The following TAPT1 variants were observed in gnomAD, a reference collection of about 807,000 sequenced individuals.
The protein encoded by TAPT1 is transmembrane anterior posterior transformation protein 1 homolog.
TAPT1 carries 28 observed loss-of-function variants against 65.6 expected under a neutral mutation model. The observed-to-expected ratio is 0.43, with a 90% CI of 0.32 to 0.59. The LOEUF (loss-of-function observed/expected upper bound fraction) is 0.59. TAPT1 is among the 20% of genes least tolerant of loss of function. The pLI is 0.09. For synonymous variants in TAPT1, 278 were observed against 245.2 expected (o/e 1.13, Z -1.25); for missense variants, 563 against 679.9 (o/e 0.83, Z 1.91).
At chr4:16,175,102 C>T (rs1748241555) in intron 9 of TAPT1, 1 of 153,426 alleles carries the variant, frequency 6.5e-6, no homozygotes, top group Admixed American at 6.5e-5. Context: ...GTTTGTCTAA[C>T]CATAATAATG....
At chr4:16,198,733 T>C (rs1247855426) in intron 3 of TAPT1, among the ~76,000 whole-genome samples, 1 of 152,174 alleles carries the variant, frequency 6.6e-6, no homozygotes, top group Non-Finnish European at 1.5e-5. Context: ...TAATCTTTAA[T>C]GGAAGTAGAA....
At chr4:16,171,235 G>A (rs1747970829) in intron 11 of TAPT1, among the ~76,000 whole-genome samples, 1 of 151,874 alleles carries the variant, frequency 6.6e-6, no homozygotes, top group Non-Finnish European at 1.5e-5. Context: ...AGGGAACACA[G>A]GAAAAATGGA....
chr4:16,202,605 A>C, intron 2 of TAPT1, 25 bp from the exon 3 acceptor site: 2 of 1,186,378 alleles, frequency 1.7e-6, no homozygotes, highest in Non-Finnish European at 1.2e-6. Flanking sequence ...GGAGAGAAGA[A>C]AAAAAAAAAG....
intron 1 of TAPT1, 155 bp downstream of exon 1, chr4:16,226,104 C>G: frequency 9.7e-7 from 1 of 1,028,036 alleles, no homozygotes; most frequent in African/African-American, 1.8e-5. Context: ...GGAGCCTCGG[C>G]AGCCTCGGCG....
chr4:16,173,567 C>T (rs887886587), intron 11 of TAPT1, among the ~76,000 whole-genome samples: 1 of 152,098 alleles, frequency 6.6e-6, no homozygotes, highest in African/African-American at 2.4e-5. Flanking sequence ...ATACATACTT[C>T]TTGGGTATAA....
intron 8 of TAPT1, 90 bp from the exon 9 acceptor site, chr4:16,176,318 A>C (rs1270460999): frequency 9.5e-6 from 6 of 634,836 alleles, no homozygotes; most frequent in African/African-American, 1.9e-5. Context: ...AATCTCTAGA[A>C]CAAAACTGTA....
At chr4:16,183,298 C>G (rs952010931) in intron 7 of TAPT1, among the ~76,000 whole-genome samples, 3 of 151,942 alleles carry the variant, frequency 2.0e-5, no homozygotes, top group Non-Finnish European at 4.4e-5. Context: ...ACTTTGCTTA[C>G]AGCAAAAAGT....
chr4:16,186,273 C>A (rs1169553752), intron 7 of TAPT1, among the ~76,000 whole-genome samples: 1 of 152,140 alleles, frequency 6.6e-6, no homozygotes, highest in African/African-American at 2.4e-5. Context: ...AAAATACCAC[C>A]CACTTCAGAG....
intron 13 of TAPT1, among the ~76,000 whole-genome samples, chr4:16,164,480 T>C (rs1349057597): frequency 1.3e-5 from 2 of 152,226 alleles, no homozygotes; most frequent in Admixed American, 6.5e-5. Flanking sequence ...ATCCTGAATG[T>C]ACTTCTCATA....
intron 12 of TAPT1, among the ~76,000 whole-genome samples, chr4:16,167,867 C>G (rs1428710554): frequency 1.3e-5 from 2 of 152,126 alleles, no homozygotes; most frequent in Non-Finnish European, 2.9e-5. Flanking sequence ...AAGCCCCAAA[C>G]AACTCCTATT....
intron 3 of TAPT1, chr4:16,196,822 G>A (rs1749734047): frequency 1.9e-6 from 1 of 526,870 alleles, no homozygotes. Context: ...CTGGTGTTAC[G>A]AAGACTTTCT....
intron 7 of TAPT1, among the ~76,000 whole-genome samples, chr4:16,180,030 G>GT (rs1443526256): frequency 6.6e-6 from 1 of 152,116 alleles, no homozygotes; most frequent in Non-Finnish European, 1.5e-5. Flanking sequence ...GAAGCAAAGA[G>GT]TAAAATGAAA....
At chr4:16,212,087 AT>A (rs1750679345) in intron 2 of TAPT1, among the ~76,000 whole-genome samples, 5 of 152,196 alleles carry the variant, frequency 3.3e-5, no homozygotes, top group African/African-American at 1.2e-4. Flanking sequence ...GCCACTGCTC[AT>A]TAGTTTTGCC....
intron 4 of TAPT1, among the ~76,000 whole-genome samples, chr4:16,189,873 T>C (rs1039845765): frequency 6.6e-6 from 1 of 152,170 alleles, no homozygotes; most frequent in Admixed American, 6.5e-5. Flanking sequence ...TCCAGTGTCC[T>C]AAGATGGAAA....
At position 16,189,548 on chromosome 4, in the gene TAPT1, C is replaced by T. The variant is rs552051207; in HGVS notation, c.613-1193G>A. 3.9e-5 allele frequency among the ~76,000 whole-genome samples: 6 copies of T among 152,286 alleles called. No individual in the cohort carries two copies. The South Asian group carries it at 6.2e-4, about 16-fold the overall frequency. On this transcript the variant is annotated intron_variant, in intron 4 of 13. Transcript: ENST00000405303. ...GAAGTCTATTTAATCCTCATAATCT[C>T]CCTAGTATCTCCACTTTACAGATGA...
chr4:16,185,842 T>G (rs1413630465), intron 7 of TAPT1, among the ~76,000 whole-genome samples: 1 of 152,190 alleles, frequency 6.6e-6, no homozygotes, highest in Non-Finnish European at 1.5e-5. Flanking sequence ...AGGGGTCCTC[T>G]CTATTGTACA....
Position 16,226,321 on chromosome 4 carries a change from A to C in TAPT1, c.137T>G (p.Leu46Arg), listed in dbSNP as rs28384238. ...CTCGTAGAAGCCCAGCGTCTCTGTG[A>C]GCTGAGGCGCCGGCGGGGGCCCCTG... Reference protein sequence around the residue: ...GGQGPPPAPQLTETLGFYESD... With the variant: ...GGQGPPPAPQRTETLGFYESD... Residue 46 changes from leucine to arginine, a missense_variant, in exon 1 of 14, where the codon CTC becomes CGC. Leu to Arg is a moderately radical substitution (Grantham distance 102). Coordinates refer to ENST00000405303, the MANE Select transcript of TAPT1 (RefSeq NM_153365.3). 2.0e-3 allele frequency: 2,262 copies of C among 1,122,806 alleles called. 35 individuals carry two copies. The African/African-American group carries it at 0.036, about 18-fold the overall frequency. 69.6% of individuals were successfully genotyped at this position (1,122,806 alleles called of 1,614,324 possible).
chr4:16,185,045 T>C (rs1003057402), intron 7 of TAPT1, among the ~76,000 whole-genome samples: 2 of 152,174 alleles, frequency 1.3e-5, no homozygotes, highest in South Asian at 2.1e-4. Context: ...TAGACCAAGG[T>C]TGTGAATGTT....
chr4:16,219,965 C>T (rs938573082), intron 1 of TAPT1, among the ~76,000 whole-genome samples: 23 of 152,220 alleles, frequency 1.5e-4, no homozygotes, highest in African/African-American at 5.5e-4. Context: ...TAGGAGGGTA[C>T]AGTGCCTCAC....
Sources: allele counts gnomAD v4.1 joint callset (sites outside exome capture counted in the v4.1 genomes callset), GRCh38; gene constraint gnomAD v4.1.1; transcripts MANE v1.5; gene names NCBI Gene and HGNC (gene_info 2026-07-23, HGNC 2026-07-21).